Variants in GALK2 observed in about 807,000 individuals in gnomAD.
GALK2 encodes N-acetylgalactosamine kinase.
In GALK2, 36 loss-of-function variants were observed where a neutral mutation model predicts 52.4. That is an observed-to-expected ratio of 0.69 (90% CI 0.53 to 0.91). GALK2 has a LOEUF of 0.91. Ranked by LOEUF, GALK2 falls within the 40% of genes least tolerant of loss-of-function variation. The probability of loss-of-function intolerance (pLI) is 0.00; values close to 1 mark genes in which losing one functional copy is unlikely to be tolerated. For synonymous variants in GALK2, 176 were observed against 199.1 expected, an observed-to-expected ratio of 0.88 and a Z score of 0.98; for missense variants, 579 against 559.1, an observed-to-expected ratio of 1.04 and a Z score of -0.36.
At position 49,214,279 on chromosome 15, in the gene GALK2, AAAC is replaced by A. The variant is rs2089186506; in HGVS notation, c.143-2908_143-2906del. ...AATAAAAAAGAAATCAGCAAAAAGA[AAAC>A]AAAAAAACCCCCCAAAACTTTACCT... On this transcript the variant is annotated intron_variant, in intron 2 of 9. Transcript: ENST00000560031. Among the ~76,000 whole-genome samples, 3 of 151,946 alleles carry A rather than the reference AAAC, an allele frequency of 2.0e-5. No individual in the cohort carries two copies. In the South Asian group the frequency reaches 6.2e-4, roughly 32 times the overall value.
chr15:49,319,563 A>G, intron 8 of GALK2, 41 bp from the exon 9 acceptor site: 1 of 1,564,760 alleles, frequency 6.4e-7, no homozygotes, highest in Non-Finnish European at 8.8e-7. Context: ...GTTGTCCAGT[A>G]ACTATTCCTA....
chr15:49,338,338 T>C (rs2040124365), intron 3 of GALK2, among the ~76,000 whole-genome samples: 1 of 152,246 alleles, frequency 6.6e-6, no homozygotes, highest in South Asian at 2.1e-4. Context: ...ACAAAATCTC[T>C]CAGCATTTCC....
At position 49,273,681 on chromosome 15, in the gene GALK2, ACTT is replaced by A. The variant is rs1595917295; in HGVS notation, c.505-8303_505-8301del. ...TTATCTTGGTGCCATTTCATGGAGA[ACTT>A]CTCTGTCCTGGATGGGCTCTACCTA... On this transcript the variant is annotated intron_variant, in intron 5 of 9. Coordinates refer to ENST00000560031, the MANE Select transcript of GALK2 (RefSeq NM_002044.4). Among the ~76,000 whole-genome samples, 4 of 152,220 alleles carry A rather than the reference ACTT, an allele frequency of 2.6e-5. No individual in the cohort carries two copies. The East Asian group carries it at 7.7e-4, about 29-fold the overall frequency.
intron 2 of GALK2, among the ~76,000 whole-genome samples, chr15:49,210,896 G>A (rs2088804732): frequency 6.6e-6 from 1 of 151,548 alleles, no homozygotes; most frequent in African/African-American, 2.4e-5. Flanking sequence ...ACAGGCATGT[G>A]CCACCATGCC....
At chr15:49,275,527 T>C (rs1041740167) in intron 5 of GALK2, among the ~76,000 whole-genome samples, 5 of 152,212 alleles carry the variant, frequency 3.3e-5, no homozygotes, top group East Asian at 1.9e-4. Context: ...CTTGCACTTA[T>C]GGCAGCTGAC....
rs7169296 is a variant in GALK2, at chr15:49,236,114, G to A, written c.357+173G>A. 1.1e-3 allele frequency among the ~76,000 whole-genome samples: 171 copies of A among 152,278 alleles called. 2 individuals are homozygous for A. The highest frequency in any genetic ancestry group is 4.1e-3 in the African/African-American group (169 of 41,552). On this transcript the variant is annotated intron_variant, in intron 4 of 9. Coordinates refer to ENST00000560031, the MANE Select transcript of GALK2 (RefSeq NM_002044.4). ...GGGAAGATATGACTGTTTTGGGGTG[G>A]TGTTCACAGGGGGCAGTAGTGGTTT... is the stretch of plus-strand genomic sequence containing the variant.
chr15:49,324,252 G>C (rs2037139904), intron 9 of GALK2, among the ~76,000 whole-genome samples: 1 of 152,116 alleles, frequency 6.6e-6, no homozygotes, highest in African/African-American at 2.4e-5. Flanking sequence ...GTCTTCCTCA[G>C]AAGTCTTTCT....
At chr15:49,228,688 T>TATATATATATATATATG in intron 3 of GALK2, among the ~76,000 whole-genome samples, 2 of 10,450 alleles carry the variant, frequency 1.9e-4, no homozygotes, top group Non-Finnish European at 3.6e-4. Flanking sequence ...TATATATATA[T>TATATATATATATATATG]TTTTTTTTTT....
At chr15:49,282,775 C>G (rs2032879912) in intron 6 of GALK2, among the ~76,000 whole-genome samples, 1 of 152,160 alleles carries the variant, frequency 6.6e-6, no homozygotes, top group African/African-American at 2.4e-5. Flanking sequence ...TTTCCAAGAA[C>G]ACCTGGATTC....
At chr15:49,360,242 A>G (rs1596517583) in intron 3 of GALK2, among the ~76,000 whole-genome samples, 1 of 87,604 alleles carries the variant, frequency 1.1e-5, no homozygotes, top group Admixed American at 1.0e-4. Context: ...AGTATAAGGA[A>G]AAAAAAAAAA....
intron 9 of GALK2, among the ~76,000 whole-genome samples, chr15:49,323,115 T>C (rs1191356221): frequency 6.6e-6 from 1 of 151,660 alleles, no homozygotes; most frequent in African/African-American, 2.4e-5. Context: ...GGTAGTAACA[T>C]GGGGAAAGGT....
At chr15:49,323,388 G>C (rs1352636964) in intron 9 of GALK2, among the ~76,000 whole-genome samples, 4 of 152,178 alleles carry the variant, frequency 2.6e-5, no homozygotes, top group South Asian at 2.1e-4. Context: ...AGCCTGAGCA[G>C]GTTGCTTGTT....
In GALK2 at chr15:49,329,019, TCTTTTTCTACTA is replaced by T. The variant is rs1346496022; in HGVS notation, c.*869_*880del. 5.6e-5 allele frequency: 29 copies of T among 521,160 alleles called. No homozygotes were observed. Among genetic ancestry groups the T allele is most frequent in the Non-Finnish European group, 5.8e-5 (25 of 432,962 alleles). 32.3% of individuals were successfully genotyped at this position (521,160 alleles called of 1,614,324 possible). On this transcript the variant is annotated 3_prime_UTR_variant, in exon 10 of 10. Coordinates refer to ENST00000560031, the MANE Select transcript of GALK2 (RefSeq NM_002044.4). ...GTTCATAGAATTACTTTCTTATCAC[TCTTTTTCTACTA>T]CTTTTTCTCAAATACCTCTCTAATC...
chr15:49,207,089 G>A (rs2141334408), intron 2 of GALK2, among the ~76,000 whole-genome samples: 1 of 152,178 alleles, frequency 6.6e-6, no homozygotes, highest in East Asian at 1.9e-4. Context: ...CATCTATTGA[G>A]ATGATCATGT....
chr15:49,333,525 G>A (rs1157058290), downstream of GALK2, among the ~76,000 whole-genome samples: 1 of 152,200 alleles, frequency 6.6e-6, no homozygotes, highest in Admixed American at 6.5e-5. Context: ...GAGTCACCCG[G>A]AATGGAACCT....
chr15:49,337,441 A>C (rs2039916522), intron 3 of GALK2, among the ~76,000 whole-genome samples: 1 of 124,008 alleles, frequency 8.1e-6, no homozygotes, highest in African/African-American at 3.0e-5. Flanking sequence ...TCTGCTGACG[A>C]GTGATGCTAA....
rs2038043208 is a variant in GALK2, at chr15:49,328,942, A to G, written c.*783A>G. Reference sequence around the variant, plus strand: ...ATAAAAAACACTTTAAGACTCTTCTATTCACATTGAAATAAAGAATTATCT... The same window carrying G: ...ATAAAAAACACTTTAAGACTCTTCTGTTCACATTGAAATAAAGAATTATCT... On this transcript the variant is annotated 3_prime_UTR_variant, in exon 10 of 10. Transcript: ENST00000560031. 6.2e-6 allele frequency: 7 copies of G among 1,128,360 alleles called. No homozygotes were observed. The highest frequency in any genetic ancestry group is 8.6e-5 in the Admixed American group (2 of 23,270). The allele number at this position is 1,128,360 out of a possible 1,614,324, so 69.9% of individuals were successfully genotyped here. A position where few individuals can be genotyped will look rare whatever the true frequency, so the allele number is the denominator to read the frequency against.
intron 3 of GALK2, chr15:49,344,361 A>G (rs1179160797): frequency 6.6e-6 from 1 of 152,130 alleles, no homozygotes; most frequent in Non-Finnish European, 1.5e-5. Context: ...TATGCATTCA[A>G]GTTTTATAAT....
intron 2 of GALK2, among the ~76,000 whole-genome samples, chr15:49,203,473 G>C (rs1406826325): frequency 6.6e-6 from 1 of 152,178 alleles, no homozygotes; most frequent in East Asian, 1.9e-4. Flanking sequence ...CTTTCAACAG[G>C]TTGTCTCTTC....
Sources: gnomAD v4.1 joint callset for allele counts (sites outside exome capture counted in the v4.1 genomes callset) on GRCh38, gnomAD v4.1.1 for gene constraint, MANE v1.5 for transcripts, NCBI Gene and HGNC (gene_info 2026-07-23, HGNC 2026-07-21) for gene names.